Variants in PPFIBP2 observed in about 807,000 individuals in gnomAD.
PPFIBP2 encodes liprin-beta-2.
In PPFIBP2, 118 loss-of-function variants were observed where a neutral mutation model predicts 118.3. That is an observed-to-expected ratio of 1.00 (90% CI 0.86 to 1.16). The LOEUF is 1.16. Ranked by LOEUF, PPFIBP2 falls within the 50% of genes most tolerant of loss-of-function variation. The pLI, the probability that PPFIBP2 is intolerant of heterozygous loss-of-function variation, is 0.00. For synonymous variants in PPFIBP2, 414 were observed against 397.4 expected, an observed-to-expected ratio of 1.04 and a Z score of -0.50; for missense variants, 1,195 against 1,073.1, an observed-to-expected ratio of 1.11 and a Z score of -1.59.
At chr11:7,538,147 T>A (rs1211161925) in intron 1 of PPFIBP2, 2 of 152,320 alleles carry the variant, frequency 1.3e-5, no homozygotes, top group Non-Finnish European at 2.9e-5. Context: ...CTTTTGGGTG[T>A]GAGCCATCAG....
At chr11:7,530,476 C>T (rs994856129) in intron 1 of PPFIBP2, among the ~76,000 whole-genome samples, 29 of 152,066 alleles carry the variant, frequency 1.9e-4, no homozygotes, top group African/African-American at 7.0e-4. Flanking sequence ...AGAGTGGAGC[C>T]CTCATGCTTG....
At chr11:7,554,785 TGACTAGACTA>T (rs530273964) in intron 2 of PPFIBP2, among the ~76,000 whole-genome samples, 17 of 129,714 alleles carry the variant, frequency 1.3e-4, no homozygotes, top group East Asian at 4.2e-4. Flanking sequence ...GAATCCCAGG[TGACTAGACTA>T]GACTAGACTA....
intron 8 of PPFIBP2, 143 bp downstream of exon 8, chr11:7,626,034 C>A: frequency 1.5e-6 from 1 of 686,926 alleles, no homozygotes; most frequent in African/African-American, 1.8e-5. Context: ...TGTGTGCAAG[C>A]GTGGCCAAGT....
intron 3 of PPFIBP2, chr11:7,577,345 G>GTGCGTGTGTGTGTGTA (rs1856563465): frequency 3.0e-6 from 1 of 333,308 alleles, no homozygotes; most frequent in Non-Finnish European, 6.0e-6. Flanking sequence ...GTGTGTGTGT[G>GTGCGTGTGTGTGTGTA]TGTGTGTTTG....
chr11:7,634,189 C>T (rs984954241), intron 12 of PPFIBP2, among the ~76,000 whole-genome samples: 11 of 152,208 alleles, frequency 7.2e-5, no homozygotes, highest in Non-Finnish European at 1.6e-4. Context: ...CCTTTTATGA[C>T]CGCACAATTG....
At chr11:7,544,929 A>G (rs779868674) in intron 1 of PPFIBP2, among the ~76,000 whole-genome samples, 2 of 152,062 alleles carry the variant, frequency 1.3e-5, no homozygotes, top group African/African-American at 2.4e-5. Context: ...CTTAAGCCCC[A>G]TATCCCTGAG....
intron 1 of PPFIBP2, among the ~76,000 whole-genome samples, chr11:7,546,458 G>A (rs1045399722): frequency 6.6e-6 from 1 of 152,200 alleles, no homozygotes; most frequent in African/African-American, 2.4e-5. Context: ...GAGGGCCCAT[G>A]GGTCTTGTTT....
At chr11:7,562,976 T>TATATAC (rs1554953438) in intron 2 of PPFIBP2, among the ~76,000 whole-genome samples, 8 of 100,466 alleles carry the variant, frequency 8.0e-5, no homozygotes, top group Admixed American at 3.3e-4. Flanking sequence ...TATATATATA[T>TATATAC]ACACGCACAC....
intron 17 of PPFIBP2, among the ~76,000 whole-genome samples, chr11:7,647,053 C>A (rs1379041983): frequency 6.6e-6 from 1 of 152,114 alleles, no homozygotes; most frequent in African/African-American, 2.4e-5. Flanking sequence ...TTGATCAGTC[C>A]CTGCCCCAGG....
intron 17 of PPFIBP2, among the ~76,000 whole-genome samples, chr11:7,643,088 A>G (rs1015443084): frequency 6.6e-6 from 1 of 152,220 alleles, no homozygotes; most frequent in African/African-American, 2.4e-5. Flanking sequence ...GAGGCTAGAG[A>G]ATCTAAGGAC....
chr11:7,522,247 G>C (rs186531594), intron 1 of PPFIBP2, among the ~76,000 whole-genome samples: 33 of 152,292 alleles, frequency 2.2e-4, no homozygotes, highest in Non-Finnish European at 4.6e-4. Context: ...GTGACTGATT[G>C]TATTTGAGGG....
chr11:7,549,296 T>C (rs1454983641), intron 1 of PPFIBP2, 144 bp from the exon 2 acceptor site: 1 of 711,202 alleles, frequency 1.4e-6, no homozygotes, highest in Non-Finnish European at 2.4e-6. Context: ...GAAAAGGCCA[T>C]GGAGATGCAG....
At chr11:7,647,859 G>T (rs1341279061) in intron 17 of PPFIBP2, among the ~76,000 whole-genome samples, 1 of 152,074 alleles carries the variant, frequency 6.6e-6, no homozygotes, top group Non-Finnish European at 1.5e-5. Context: ...TCCTTTTATT[G>T]ACTTTAATGT....
Position 7,593,204 on chromosome 11 carries a change from A to G in PPFIBP2, c.352A>G (p.Lys118Glu), listed in dbSNP as rs752751992. The change falls in exon 4 of 24, where the codon AAG becomes GAG. Residue 118 changes from lysine to glutamate, a missense_variant. Lys to Glu is a moderately conservative substitution (Grantham distance 56). Coordinates refer to ENST00000299492, the MANE Select transcript of PPFIBP2 (RefSeq NM_003621.5). ...ACGCTTGGCACGTCTAGAAGGGGAT[A>G]AGGAGTCCCTCATATTGCAGGTGGG... ...QERLARLEGD[K>E]ESLILQVSVL... 13 of 1,614,008 alleles carry G rather than the reference A, an allele frequency of 8.1e-6. No individual in the cohort carries two copies. Among genetic ancestry groups the G allele is most frequent in the Non-Finnish European group, 1.0e-5 (12 of 1,179,936 alleles).
chr11:7,644,211 C>G (rs1427556362), intron 17 of PPFIBP2, among the ~76,000 whole-genome samples: 2 of 152,086 alleles, frequency 1.3e-5, no homozygotes, highest in African/African-American at 4.8e-5. Context: ...AGGTTTGTAG[C>G]AGAATTTTAC....
At chr11:7,545,961 G>A (rs1417540862) in intron 1 of PPFIBP2, among the ~76,000 whole-genome samples, 1 of 152,140 alleles carries the variant, frequency 6.6e-6, no homozygotes, top group African/African-American at 2.4e-5. Flanking sequence ...CCCATGATTG[G>A]ATTAATCATA....
chr11:7,545,761 A>G lies in PPFIBP2; in HGVS notation c.-36-3679A>G, dbSNP rs186778907. On this transcript the variant is annotated intron_variant, in intron 1 of 23. Transcript: ENST00000299492. Reference sequence around the variant, plus strand: ...AAAGGGGCAACTTTTGTTATTCATAATAAGCGCCTTTCAACCTTACTCAGC... The same window carrying G: ...AAAGGGGCAACTTTTGTTATTCATAGTAAGCGCCTTTCAACCTTACTCAGC... Among the ~76,000 whole-genome samples, 129 of 152,334 alleles carry G rather than the reference A, an allele frequency of 8.5e-4. 1 individual carries two copies. The Middle Eastern group carries it at 0.017, about 20-fold the overall frequency.
At chr11:7,534,283 A>G (rs1342987496) in intron 1 of PPFIBP2, among the ~76,000 whole-genome samples, 1 of 152,234 alleles carries the variant, frequency 6.6e-6, no homozygotes, top group African/African-American at 2.4e-5. Flanking sequence ...AAAAGAATTC[A>G]AATGTACACA....
chr11:7,584,205 C>T (rs1286207580), intron 3 of PPFIBP2, among the ~76,000 whole-genome samples: 1 of 152,174 alleles, frequency 6.6e-6, no homozygotes, highest in African/African-American at 2.4e-5. Flanking sequence ...CAGGATTATT[C>T]AAGTCATTTC....
Sources: allele counts gnomAD v4.1 joint callset (sites outside exome capture counted in the v4.1 genomes callset), GRCh38; gene constraint gnomAD v4.1.1; transcripts MANE v1.5; gene names NCBI Gene and HGNC (gene_info 2026-07-23, HGNC 2026-07-21).